FANCL: variants seen among roughly 807,000 people sequenced by gnomAD.
FANCL encodes the protein FA complementation group L, also known as E3 ubiquitin-protein ligase FANCL.
In FANCL, 69 loss-of-function variants were observed where a neutral mutation model predicts 59.4. That is an observed-to-expected ratio of 1.16 (90% CI 0.96 to 1.42). The LOEUF is 1.42. Among genes scored for constraint, FANCL ranks in the 40% most tolerant of loss-of-function variants. FANCL has a pLI of 0.00. For missense variants in FANCL, 519 were observed against 447.2 expected, an observed-to-expected ratio of 1.16 and a Z score of -1.45; for synonymous variants, 180 against 147.1, an observed-to-expected ratio of 1.22 and a Z score of -1.62.
At chr2:58,209,328 A>G (rs1460009874) in intron 5 of FANCL, among the ~76,000 whole-genome samples, 1 of 152,252 alleles carries the variant, frequency 6.6e-6, no homozygotes, top group Admixed American at 6.5e-5. Flanking sequence ...AGCTGAAAGC[A>G]AACTGTTTTA....
intron 5 of FANCL, among the ~76,000 whole-genome samples, chr2:58,218,905 A>T (rs974729308): frequency 2.0e-5 from 3 of 151,462 alleles, no homozygotes; most frequent in African/African-American, 7.3e-5. Context: ...ATATACAAAA[A>T]CATTTACAAG....
rs1440328655 is a variant in FANCL at position 58,175,887 on chromosome 2, T to C, written c.541-10013A>G. 9.1e-4 allele frequency among the ~76,000 whole-genome samples: 139 copies of C among 152,042 alleles called. 1 individual carries two copies. The highest frequency in any genetic ancestry group is 4.8e-3 in the Admixed American group (73 of 15,250). ...ATGATTGTATATCTAGAAAACCCCA[T>C]TGTCTCAGCCCAAAATCTCCTTAAG... On this transcript the variant is annotated intron_variant, in intron 7 of 13. Transcript: ENST00000233741.
At chr2:58,162,452 CT>C (rs1366994091) in intron 11 of FANCL, among the ~76,000 whole-genome samples, 4 of 151,840 alleles carry the variant, frequency 2.6e-5, no homozygotes, top group Non-Finnish European at 4.4e-5. Context: ...ATAGTTGACC[CT>C]TGAACAACAT....
chr2:58,175,353 A>C (rs1237037062), intron 7 of FANCL, among the ~76,000 whole-genome samples: 1 of 149,826 alleles, frequency 6.7e-6, no homozygotes, highest in Non-Finnish European at 1.5e-5. Flanking sequence ...TTACACCAAT[A>C]TCCTTGATGA....
rs191963330 is a variant in FANCL at position 58,224,736 on chromosome 2, A to C, written c.273+1992T>G. On this transcript the variant is annotated intron_variant, in intron 4 of 13. Coordinates refer to ENST00000233741, the MANE Select transcript of FANCL (RefSeq NM_018062.4). The stretch of plus-strand genomic sequence containing the variant: ...AGGAAAAGCATAAGTGAAATATAAC[A>C]AGTAGAACATAACAAAAAACCATAC... Among the ~76,000 whole-genome samples the C allele has an allele frequency of 4.6e-5, 7 of 152,048 alleles. No individual in the cohort carries two copies. The East Asian group carries it at 1.4e-3, about 29-fold the overall frequency.
At chr2:58,173,902 C>G (rs1047770519) in intron 7 of FANCL, among the ~76,000 whole-genome samples, 8 of 151,974 alleles carry the variant, frequency 5.3e-5, no homozygotes, top group African/African-American at 1.9e-4. Flanking sequence ...ATCTCACAAG[C>G]AGAGACACAC....
chr2:58,204,129 C>A lies in FANCL; in HGVS notation c.471+1G>T. 1.9e-6 allele frequency: 3 copies of A among 1,606,454 alleles called. No homozygotes were observed. Among genetic ancestry groups the A allele is most frequent in the Non-Finnish European group, 2.6e-6 (3 of 1,173,272 alleles). ...CAATAACAGTTTAACGAGGCACATACCTTTGCCTTCAACTTGAGAGTGATT... is the reference window on the plus strand; with the variant it reads ...CAATAACAGTTTAACGAGGCACATAACTTTGCCTTCAACTTGAGAGTGATT... On this transcript the variant is annotated splice_donor_variant, in intron 6 of 13. Transcript: ENST00000233741. LOFTEE classifies it high-confidence loss of function.
chr2:58,162,666 G>A (rs994268242), intron 11 of FANCL, among the ~76,000 whole-genome samples, 200 bp downstream of exon 11: 1 of 151,864 alleles, frequency 6.6e-6, no homozygotes, highest in Non-Finnish European at 1.5e-5. Context: ...GGGCAGCCCT[G>A]AAATCAATCC....
chr2:58,233,297 T>TCCCTTATTTGCAAAGC (rs1334373002), intron 1 of FANCL, among the ~76,000 whole-genome samples: 9 of 152,042 alleles, frequency 5.9e-5, no homozygotes, highest in African/African-American at 2.2e-4. Context: ...AATTCCAAAG[T>TCCCTTATTTGCAAAGC]CCCTTATTTG....
At position 58,226,721 on chromosome 2, in the gene FANCL, T is replaced by G. The variant is rs745366278; in HGVS notation, c.273+7A>C. The G allele has an allele frequency of 5.7e-5, 91 of 1,591,092 alleles. No homozygotes were observed. The highest frequency in any genetic ancestry group is 4.5e-5 in the Non-Finnish European group (52 of 1,163,300). On this transcript the variant is annotated splice_region_variant and intron_variant, in intron 4 of 13. Transcript: ENST00000233741. ...GTAACAGTGTCAGAAAAAAAAAAAA[T>G]TCTTACCAAAAGCATCTTCAACTCC...
chr2:58,197,693 A>C (rs1237081658), intron 7 of FANCL, among the ~76,000 whole-genome samples: 2 of 152,208 alleles, frequency 1.3e-5, no homozygotes, highest in Non-Finnish European at 2.9e-5. Flanking sequence ...TGTATTCTTT[A>C]CTCAAAATAT....
intron 3 of FANCL, 70 bp downstream of exon 3, chr2:58,229,744 C>G: frequency 8.5e-7 from 1 of 1,171,962 alleles, no homozygotes; most frequent in Non-Finnish European, 1.3e-6. Context: ...CAAAGCAGGT[C>G]TTTAAAGAAC....
intron 1 of FANCL, among the ~76,000 whole-genome samples, chr2:58,238,028 G>A (rs1260793411): frequency 1.3e-5 from 2 of 152,178 alleles, no homozygotes; most frequent in Admixed American, 6.5e-5. Context: ...AGGCCTCATG[G>A]CCAATAGCTA....
At chr2:58,172,061 T>C (rs556122557) in intron 7 of FANCL, among the ~76,000 whole-genome samples, 2 of 152,342 alleles carry the variant, frequency 1.3e-5, no homozygotes, top group African/African-American at 4.8e-5. Context: ...GCGCCCGCCA[T>C]TGCCCAGGCT....
chr2:58,198,767 C>T (rs1279709275), intron 6 of FANCL, 105 bp from the exon 7 acceptor site: 27 of 814,178 alleles, frequency 3.3e-5, no homozygotes, highest in African/African-American at 5.1e-5. Context: ...CGGTGGCTCA[C>T]GCCTGTAATC....
At chr2:58,187,627 A>G (rs1265082975) in intron 7 of FANCL, among the ~76,000 whole-genome samples, 1 of 152,196 alleles carries the variant, frequency 6.6e-6, no homozygotes, top group Non-Finnish European at 1.5e-5. Flanking sequence ...CCTGATTTCT[A>G]GGCAGAAAAA....
chr2:58,228,704 A>C (rs1693274782), intron 3 of FANCL, among the ~76,000 whole-genome samples: 1 of 152,336 alleles, frequency 6.6e-6, no homozygotes, highest in African/African-American at 2.4e-5. Context: ...ATACAAGAAA[A>C]GAATAGTAAT....
intron 2 of FANCL, among the ~76,000 whole-genome samples, chr2:58,231,214 C>T (rs562456459): frequency 5.5e-4 from 83 of 152,248 alleles, no homozygotes; most frequent in Non-Finnish European, 8.5e-4. Context: ...TCTTCTACCC[C>T]GCTAGACACA....
rs1183093489 is a variant in FANCL, at chr2:58,198,590, T to G, written c.540+4A>C. ...ATTTAAGAATTTACCTGAGGAGAAT[T>G]TACCTGAGGTGTCCAGGAGGCACAA... On this transcript the variant is annotated splice_donor_region_variant and intron_variant, in intron 7 of 13. Transcript: ENST00000233741. The G allele has an allele frequency of 1.2e-6, 2 of 1,611,824 alleles. No homozygotes were observed.
Sources: gnomAD v4.1 joint callset for allele counts (sites outside exome capture counted in the v4.1 genomes callset) on GRCh38, gnomAD v4.1.1 for gene constraint, MANE v1.5 for transcripts, NCBI Gene and HGNC (gene_info 2026-07-23, HGNC 2026-07-21) for gene names.